The following MCU variants were observed in gnomAD, a reference collection of about 807,000 sequenced individuals.
MCU encodes mitochondrial calcium uniporter.
MCU carries 12 observed loss-of-function variants against 45.2 expected under a neutral mutation model. The observed-to-expected ratio is 0.27, with a 90% CI of 0.17 to 0.43. The LOEUF is 0.43. Ranked by LOEUF, MCU falls within the 20% of genes least tolerant of loss-of-function variation. The pLI is 1.00. For synonymous variants in MCU, 160 were observed against 165.1 expected (o/e 0.97, Z 0.24); for missense variants, 324 against 436.7 (o/e 0.74, Z 2.30).
intron 1 of MCU, among the ~76,000 whole-genome samples, chr10:72,805,449 A>G (rs1050597409): frequency 6.6e-6 from 1 of 151,650 alleles, no homozygotes; most frequent in Admixed American, 6.6e-5. Context: ...GAATTTCACC[A>G]TATTGTCCAG....
chr10:72,820,882 A>G (rs1844701581), intron 1 of MCU, among the ~76,000 whole-genome samples: 1 of 150,774 alleles, frequency 6.6e-6, no homozygotes, highest in Non-Finnish European at 1.5e-5. Flanking sequence ...ATTCCCTACT[A>G]CTTTCCATAC....
intron 6 of MCU, among the ~76,000 whole-genome samples, chr10:72,873,794 G>C (rs1275789840): frequency 6.6e-6 from 1 of 152,110 alleles, no homozygotes; most frequent in South Asian, 2.1e-4. Flanking sequence ...GAGAGAGGGG[G>C]ATCTACTTTC....
chr10:72,872,484 T>G (rs1454731346), intron 6 of MCU, among the ~76,000 whole-genome samples: 1 of 152,236 alleles, frequency 6.6e-6, no homozygotes, highest in African/African-American at 2.4e-5. Flanking sequence ...ATCAGCTTTT[T>G]TAGCTCCCAC....
intron 1 of MCU, among the ~76,000 whole-genome samples, chr10:72,763,058 T>C (rs1020007301): frequency 1.3e-5 from 2 of 152,156 alleles, no homozygotes; most frequent in African/African-American, 4.8e-5. Context: ...TTTCTGTTCC[T>C]TTCAGGCTGC....
At chr10:72,740,120 G>A (rs911843536) in intron 1 of MCU, among the ~76,000 whole-genome samples, 2 of 151,832 alleles carry the variant, frequency 1.3e-5, no homozygotes, top group Non-Finnish European at 2.9e-5. Flanking sequence ...GGTGGCTCAC[G>A]CCTGTAATCC....
At chr10:72,853,431 G>T (rs767314987) in intron 2 of MCU, among the ~76,000 whole-genome samples, 18 of 152,056 alleles carry the variant, frequency 1.2e-4, no homozygotes, top group Non-Finnish European at 2.1e-4. Flanking sequence ...GAAGTATATT[G>T]CAATTAAAAC....
At position 72,823,203 on chromosome 10, in the gene MCU, A is replaced by G. The variant is rs117054226; in HGVS notation, c.151-11156A>G. Among the ~76,000 whole-genome samples the G allele has an allele frequency of 4.6e-5, 7 of 152,382 alleles. No individual in the cohort carries two copies. In the East Asian group the frequency reaches 1.3e-3, roughly 29 times the overall value. On this transcript the variant is annotated intron_variant, in intron 1 of 7. Coordinates refer to ENST00000373053, the MANE Select transcript of MCU (RefSeq NM_138357.3). Reference sequence around the variant, plus strand: ...GGCAATAAAAAGGAATTAAGTACCAATATGTGCTACAACATAGATAAGCCT... The same window carrying G: ...GGCAATAAAAAGGAATTAAGTACCAGTATGTGCTACAACATAGATAAGCCT...
intron 1 of MCU, among the ~76,000 whole-genome samples, chr10:72,693,360 A>C (rs1426150130): frequency 6.6e-6 from 1 of 152,188 alleles, no homozygotes; most frequent in Non-Finnish European, 1.5e-5. Flanking sequence ...GAAAGAATGT[A>C]GGTTTTATTT....
chr10:72,726,174 G>A (rs757777362), intron 1 of MCU, among the ~76,000 whole-genome samples: 2 of 151,848 alleles, frequency 1.3e-5, no homozygotes, highest in Non-Finnish European at 2.9e-5. Context: ...AGATAGAATC[G>A]TAGGCATTGG....
At chr10:72,728,369 A>G (rs1045083027) in intron 1 of MCU, among the ~76,000 whole-genome samples, 2 of 152,210 alleles carry the variant, frequency 1.3e-5, no homozygotes, top group Non-Finnish European at 2.9e-5. Context: ...AAGGTACTGA[A>G]TAGTTAACTA....
intron 1 of MCU, among the ~76,000 whole-genome samples, chr10:72,809,768 G>A (rs1844509882): frequency 1.3e-5 from 2 of 152,160 alleles, no homozygotes; most frequent in Non-Finnish European, 1.5e-5. Context: ...GCCTTGATGA[G>A]TATTTTGGGG....
chr10:72,747,263 GA>G (rs1385336007), intron 1 of MCU, among the ~76,000 whole-genome samples: 2 of 152,154 alleles, frequency 1.3e-5, no homozygotes, highest in Non-Finnish European at 2.9e-5. Context: ...ATGTCTATAC[GA>G]ATGTTATAGA....
chr10:72,699,894 A>G (rs1842736150), intron 1 of MCU, among the ~76,000 whole-genome samples: 1 of 151,848 alleles, frequency 6.6e-6, no homozygotes, highest in South Asian at 2.1e-4. Flanking sequence ...GCCCGGCCGA[A>G]ATGGTTTTTT....
intron 1 of MCU, among the ~76,000 whole-genome samples, chr10:72,718,267 G>GA (rs1564537408): frequency 6.6e-6 from 1 of 151,870 alleles, no homozygotes; most frequent in East Asian, 1.9e-4. Flanking sequence ...TAGGTGTTGG[G>GA]AAAAAAAATT....
intron 1 of MCU, among the ~76,000 whole-genome samples, chr10:72,761,040 A>G (rs188817166): frequency 9.2e-5 from 14 of 152,258 alleles, no homozygotes; most frequent in East Asian, 5.8e-4. Context: ...GGTTAGTGCC[A>G]CCGTAGAATG....
chr10:72,882,828 C>A (rs931496637), intron 6 of MCU, among the ~76,000 whole-genome samples: 2 of 152,120 alleles, frequency 1.3e-5, no homozygotes, highest in Non-Finnish European at 2.9e-5. Flanking sequence ...TTTGAAAGTC[C>A]CTAATAAAAA....
At chr10:72,879,518 C>A (rs192740310) in intron 6 of MCU, among the ~76,000 whole-genome samples, 18 of 152,204 alleles carry the variant, frequency 1.2e-4, no homozygotes, top group Admixed American at 5.2e-4. Context: ...AAATATCTTT[C>A]CAAAATAAAG....
At chr10:72,759,650 T>C (rs1452770405) in intron 1 of MCU, among the ~76,000 whole-genome samples, 2 of 152,088 alleles carry the variant, frequency 1.3e-5, no homozygotes, top group Non-Finnish European at 2.9e-5. Context: ...GAATGTTTCT[T>C]CCCCCCAAAT....
intron 1 of MCU, among the ~76,000 whole-genome samples, chr10:72,812,834 T>C (rs1397781884): frequency 1.3e-5 from 2 of 152,230 alleles, no homozygotes; most frequent in Admixed American, 6.5e-5. Flanking sequence ...TTTAGTGTCC[T>C]GTGGGAGGTT....
Sources: allele counts gnomAD v4.1 joint callset (sites outside exome capture counted in the v4.1 genomes callset), GRCh38; gene constraint gnomAD v4.1.1; transcripts MANE v1.5; gene names NCBI Gene and HGNC (gene_info 2026-07-23, HGNC 2026-07-21).